Variants in PARP8 observed in about 807,000 individuals in gnomAD.
PARP8 encodes poly(ADP-ribose) polymerase family member 8, also known as protein mono-ADP-ribosyltransferase PARP8.
A neutral mutation model predicts 124.1 loss-of-function variants in PARP8; 51 were observed. The observed-to-expected ratio is 0.41, with a 90% CI of 0.33 to 0.52. The LOEUF (loss-of-function observed/expected upper bound fraction) is 0.52. Among genes scored for constraint, PARP8 ranks in the 20% least tolerant of loss-of-function variants. PARP8 has a pLI of 0.21. For missense variants in PARP8, 860 were observed against 1,018.9 expected, an observed-to-expected ratio of 0.84 and a Z score of 2.12; for synonymous variants, 391 against 361.5, an observed-to-expected ratio of 1.08 and a Z score of -0.93.
At chr5:50,798,710 C>G (rs1254727541) in intron 14 of PARP8, among the ~76,000 whole-genome samples, 1 of 152,154 alleles carries the variant, frequency 6.6e-6, no homozygotes, top group East Asian at 1.9e-4. Context: ...GCGTGAACCA[C>G]CGCGCCTGGC....
intron 2 of PARP8, among the ~76,000 whole-genome samples, chr5:50,736,878 G>A (rs1330078427): frequency 6.6e-6 from 1 of 151,982 alleles, no homozygotes; most frequent in Non-Finnish European, 1.5e-5. Context: ...AACCATGTAG[G>A]CTTCTTGGAG....
chr5:50,794,996 C>G lies in PARP8; in HGVS notation c.1007C>G (p.Ser336Ter). Residue 336 changes from serine (S) to a stop codon, truncating the protein, a stop_gained, in exon 12 of 26, where the codon TCA becomes TGA. Coordinates refer to ENST00000281631, the MANE Select transcript of PARP8 (RefSeq NM_024615.4). LOFTEE classifies it high-confidence loss of function. ...ACTGATGATGTGTGTGTCACAAAGT[C>G]ACACAGGACCTTTGGCCGCTCCTTG... ...VKTDDVCVTKSHRTFGRSLSS... is the reference protein window; with the variant it reads ...VKTDDVCVTK The G allele has an allele frequency of 6.2e-7, 1 of 1,614,218 alleles. No individual in the cohort carries two copies. The highest frequency in any genetic ancestry group is 8.5e-7 in the Non-Finnish European group (1 of 1,180,040).
chr5:50,729,001 C>T (rs1437840963), intron 2 of PARP8, among the ~76,000 whole-genome samples: 3 of 151,930 alleles, frequency 2.0e-5, no homozygotes, highest in Non-Finnish European at 4.4e-5. Context: ...AACATTTTTT[C>T]TCATAAATTT....
chr5:50,719,159 T>C (rs1349124580), intron 2 of PARP8, among the ~76,000 whole-genome samples: 1 of 152,076 alleles, frequency 6.6e-6, no homozygotes, highest in Non-Finnish European at 1.5e-5. Flanking sequence ...TAAATTGGAT[T>C]ATTTGACTTT....
At chr5:50,714,693 A>G (rs1198890414) in intron 2 of PARP8, among the ~76,000 whole-genome samples, 1 of 152,120 alleles carries the variant, frequency 6.6e-6, no homozygotes, top group African/African-American at 2.4e-5. Flanking sequence ...GTGGACTGAT[A>G]GGCTTTATGA....
chr5:50,770,653 AAG>A (rs1761522865), intron 7 of PARP8, among the ~76,000 whole-genome samples: 2 of 151,856 alleles, frequency 1.3e-5, no homozygotes, highest in African/African-American at 4.8e-5. Context: ...GGAAGGGAGA[AAG>A]AGGAAAGAAA....
At chr5:50,775,447 C>T (rs985778059) in intron 7 of PARP8, among the ~76,000 whole-genome samples, 18 of 151,746 alleles carry the variant, frequency 1.2e-4, no homozygotes, top group East Asian at 3.9e-4. Flanking sequence ...CCCAGGCACT[C>T]GGCAGGCTGA....
At chr5:50,686,380 C>A (rs1751862303) in intron 2 of PARP8, among the ~76,000 whole-genome samples, 1 of 152,234 alleles carries the variant, frequency 6.6e-6, no homozygotes, top group African/African-American at 2.4e-5. Context: ...CAGCTCCACC[C>A]CTGTGACTTT....
chr5:50,741,985 T>G, intron 2 of PARP8: 1 of 352,286 alleles, frequency 2.8e-6, no homozygotes, highest in Non-Finnish European at 5.5e-6. Flanking sequence ...ATTTTTTCTG[T>G]TTTTAGTAGA....
intron 2 of PARP8, among the ~76,000 whole-genome samples, chr5:50,706,549 G>A (rs977905248): frequency 5.3e-5 from 8 of 151,944 alleles, no homozygotes; most frequent in Admixed American, 6.6e-5. Flanking sequence ...TCAAAAGTTT[G>A]GATTTGAGTT....
chr5:50,817,760 A>G (rs751317897), intron 15 of PARP8, among the ~76,000 whole-genome samples: 1 of 152,146 alleles, frequency 6.6e-6, no homozygotes, highest in Non-Finnish European at 1.5e-5. Context: ...GGCTCTTCCT[A>G]TAGGTGCCTT....
Position 50,684,708 on chromosome 5 carries a change from A to G in PARP8, c.146+16583A>G, listed in dbSNP as rs545032904. ...GATTTCTATAACTCACTTAACTTGC[A>G]TATTTATACGTGGACTTTAAAAAAT... On this transcript the variant is annotated intron_variant, in intron 2 of 25. Coordinates refer to ENST00000281631, the MANE Select transcript of PARP8 (RefSeq NM_024615.4). Among the ~76,000 whole-genome samples the G allele has an allele frequency of 5.3e-5, 8 of 152,278 alleles. No individual in the cohort carries two copies. The East Asian group carries it at 5.8e-4, about 11-fold the overall frequency.
At chr5:50,673,900 G>T (rs569191878) in intron 2 of PARP8, among the ~76,000 whole-genome samples, 1 of 152,164 alleles carries the variant, frequency 6.6e-6, no homozygotes, top group Non-Finnish European at 1.5e-5. Context: ...AAAATATTTT[G>T]TAATTATCTG....
intron 2 of PARP8, among the ~76,000 whole-genome samples, chr5:50,744,146 A>G (rs1196764680): frequency 1.3e-5 from 2 of 152,172 alleles, no homozygotes; most frequent in African/African-American, 4.8e-5. Flanking sequence ...AAACTCTTTT[A>G]AGTCTAAGAT....
At chr5:50,796,560 T>A (rs184613906) in intron 12 of PARP8, among the ~76,000 whole-genome samples, 24 of 152,340 alleles carry the variant, frequency 1.6e-4, no homozygotes, top group Non-Finnish European at 8.8e-5. Flanking sequence ...TAAGCATAAT[T>A]CATAGTTTTC....
intron 10 of PARP8, among the ~76,000 whole-genome samples, chr5:50,789,982 C>T (rs1461000967): frequency 1.3e-5 from 2 of 152,040 alleles, no homozygotes; most frequent in African/African-American, 2.4e-5. Flanking sequence ...TAGGAAGCCA[C>T]ATATATGATA....
intron 25 of PARP8, among the ~76,000 whole-genome samples, chr5:50,840,371 A>T (rs1291945528): frequency 6.6e-6 from 1 of 151,924 alleles, no homozygotes; most frequent in Non-Finnish European, 1.5e-5. Flanking sequence ...AAGATTTAAG[A>T]AAATGGAAAC....
In PARP8 at chr5:50,834,319, C is replaced by T. The variant is rs73104803; in HGVS notation, c.2377+271C>T. Among the ~76,000 whole-genome samples the T allele has an allele frequency of 5.0e-3, 756 of 152,116 alleles. 10 individuals carry two copies. The highest frequency in any genetic ancestry group is 0.018 in the African/African-American group (729 of 41,504). On this transcript the variant is annotated intron_variant, in intron 24 of 25. Coordinates refer to ENST00000281631, the MANE Select transcript of PARP8 (RefSeq NM_024615.4). ...ATTATATCTTTCTGATCAAGTAATG[C>T]TTATCTCTTTAGTTAATGTGCTACC...
intron 15 of PARP8, among the ~76,000 whole-genome samples, chr5:50,817,209 T>C (rs1580444279): frequency 6.6e-6 from 1 of 152,200 alleles, no homozygotes; most frequent in Non-Finnish European, 1.5e-5. Context: ...ATCATAAAAT[T>C]AATGGTTTTG....
Sources: allele counts gnomAD v4.1 joint callset (sites outside exome capture counted in the v4.1 genomes callset), GRCh38; gene constraint gnomAD v4.1.1; transcripts MANE v1.5; gene names NCBI Gene and HGNC (gene_info 2026-07-23, HGNC 2026-07-21).